CERT1: variants seen among roughly 807,000 people sequenced by gnomAD.
CERT1 encodes the protein ceramide transfer protein.
In CERT1, 31 loss-of-function variants were observed where a neutral mutation model predicts 87.9. The ratio of observed to expected loss-of-function variants is 0.35; its 90% CI spans 0.27 to 0.48. CERT1 has a LOEUF of 0.48. Among genes scored for constraint, CERT1 ranks in the 20% least tolerant of loss-of-function variants. CERT1 has a pLI of 0.99. For synonymous variants in CERT1, 289 were observed against 250.9 expected (o/e 1.15, Z -1.44); for missense variants, 487 against 758.0 (o/e 0.64, Z 4.20).
chr5:75,434,530 C>T (rs911451347), intron 3 of CERT1, among the ~76,000 whole-genome samples: 1 of 151,950 alleles, frequency 6.6e-6, no homozygotes, highest in Non-Finnish European at 1.5e-5. Context: ...ATATGTACTC[C>T]TTAATTTTTT....
Position 75,429,565 on chromosome 5 carries a change from T to G in CERT1, c.349-3087A>C, listed in dbSNP as rs572262126. On this transcript the variant is annotated intron_variant, in intron 3 of 16. Transcript: ENST00000643780. The stretch of plus-strand genomic sequence containing the variant: ...CCAGTGTGGTGGCTTGTGCCTCTAG[T>G]CCCAGCTACTTGAGAGACTGAGGCA... Among the ~76,000 whole-genome samples the G allele has an allele frequency of 1.1e-3, 164 of 152,158 alleles. 1 individual carries two copies. The highest frequency in any genetic ancestry group is 1.9e-3 in the Non-Finnish European group (132 of 68,010).
chr5:75,436,279 C>T (rs552048948), intron 3 of CERT1, among the ~76,000 whole-genome samples: 10 of 152,082 alleles, frequency 6.6e-5, no homozygotes, highest in African/African-American at 1.7e-4. Flanking sequence ...ATGATCTGCC[C>T]GCCTCGGCCT....
intron 17 of CERT1, chr5:75,371,560 T>C (rs963005619): frequency 6.6e-6 from 1 of 152,194 alleles, no homozygotes; most frequent in Non-Finnish European, 1.5e-5. Flanking sequence ...TAACCCTCCT[T>C]TGGTTTAGCT....
In CERT1 at chr5:75,454,489, A is replaced by G. The variant is rs569462324; in HGVS notation, c.348+4576T>C. The stretch of plus-strand genomic sequence containing the variant: ...TAAAGCAAATTCAAAAGATTTTCTT[A>G]TTTGAGTGCAAAATGGGTCATAAAG... On this transcript the variant is annotated intron_variant, in intron 3 of 16. Transcript: ENST00000643780. Among the ~76,000 whole-genome samples the G allele has an allele frequency of 1.8e-4, 28 of 152,344 alleles. 2 individuals are homozygous for G. In the South Asian group the frequency reaches 5.6e-3, roughly 30 times the overall value.
intron 8 of CERT1, among the ~76,000 whole-genome samples, chr5:75,409,022 A>G (rs1403639383): frequency 1.3e-5 from 2 of 152,122 alleles, no homozygotes; most frequent in Non-Finnish European, 2.9e-5. Context: ...AAACTGTACC[A>G]TATATTGTTA....
intron 2 of CERT1, among the ~76,000 whole-genome samples, chr5:75,465,274 T>G (rs1429755931): frequency 6.6e-6 from 1 of 152,210 alleles, no homozygotes; most frequent in African/African-American, 2.4e-5. Flanking sequence ...AGCACCACCA[T>G]CACAATGGAG....
At position 75,417,212 on chromosome 5, in the gene CERT1, G is replaced by A. The variant is rs919344518; in HGVS notation, c.680-179C>T. Among the ~76,000 whole-genome samples the A allele has an allele frequency of 2.9e-4, 44 of 152,098 alleles. 1 individual carries two copies. Among genetic ancestry groups the A allele is most frequent in the African/African-American group, 1.0e-3 (42 of 41,424 alleles). ...CAAGCTCTATAAGCAAAGAAGCTTC[G>A]TGGCAGCATATGTACTTTCAAGTCC... On this transcript the variant is annotated intron_variant, in intron 6 of 16. Transcript: ENST00000643780.
intron 3 of CERT1, among the ~76,000 whole-genome samples, chr5:75,437,218 T>C (rs1764133710): frequency 6.6e-6 from 1 of 152,234 alleles, no homozygotes; most frequent in Non-Finnish European, 1.5e-5. Context: ...AACACTTTAC[T>C]AACGGTGTCT....
chr5:75,386,452 C>A (rs1311038365), intron 12 of CERT1, among the ~76,000 whole-genome samples: 1 of 152,172 alleles, frequency 6.6e-6, no homozygotes, highest in Non-Finnish European at 1.5e-5. Context: ...ATATGAAACA[C>A]AATAGGCACT....
intron 2 of CERT1, among the ~76,000 whole-genome samples, chr5:75,468,741 TG>T (rs1297421297): frequency 6.6e-6 from 1 of 152,214 alleles, no homozygotes; most frequent in Non-Finnish European, 1.5e-5. Flanking sequence ...AGCCTAATGC[TG>T]TAACAGTTGC....
intron 11 of CERT1, among the ~76,000 whole-genome samples, chr5:75,395,404 G>A (rs750305055): frequency 3.0e-4 from 46 of 151,928 alleles, no homozygotes; most frequent in Non-Finnish European, 1.5e-5. Context: ...AATTAGTTGG[G>A]TGTGGTGGAA....
At chr5:75,419,489 T>G in intron 5 of CERT1, 65 bp from the exon 6 acceptor site, 1 of 1,053,764 alleles carries the variant, frequency 9.5e-7, no homozygotes, top group Non-Finnish European at 1.4e-6. Flanking sequence ...TATTCTTATG[T>G]TCAACTGAGT....
At chr5:75,384,857 A>C (rs1419720942) in intron 13 of CERT1, 145 bp from the exon 14 acceptor site, 2 of 587,454 alleles carry the variant, frequency 3.4e-6, no homozygotes, top group African/African-American at 3.7e-5. Context: ...AATGGAAGGT[A>C]GCTAATACTT....
intron 3 of CERT1, among the ~76,000 whole-genome samples, chr5:75,457,690 C>G (rs1329231386): frequency 6.6e-6 from 1 of 151,780 alleles, no homozygotes; most frequent in Non-Finnish European, 1.5e-5. Context: ...GAAAGAAAAG[C>G]TAATACGATT....
chr5:75,448,713 A>C lies in CERT1; in HGVS notation c.348+10352T>G, dbSNP rs1273883901. On this transcript the variant is annotated intron_variant, in intron 3 of 16. Transcript: ENST00000643780. ...AAAAAAGCAGAATCCCATGTGTCCCAGTGACTGTCAGAAATCTTCCCTCTT... is the reference window on the plus strand; with the variant it reads ...AAAAAAGCAGAATCCCATGTGTCCCCGTGACTGTCAGAAATCTTCCCTCTT... Among the ~76,000 whole-genome samples, 3 of 152,314 alleles carry C rather than the reference A, an allele frequency of 2.0e-5. No individual in the cohort carries two copies. In the East Asian group the frequency reaches 5.8e-4, roughly 29 times the overall value.
intron 3 of CERT1, among the ~76,000 whole-genome samples, chr5:75,440,331 G>A (rs1345698100): frequency 6.6e-6 from 1 of 151,982 alleles, no homozygotes; most frequent in African/African-American, 2.4e-5. Flanking sequence ...CCTAGGTACA[G>A]TACAATTAAC....
At chr5:75,440,387 A>G (rs960638690) in intron 3 of CERT1, among the ~76,000 whole-genome samples, 1 of 152,108 alleles carries the variant, frequency 6.6e-6, no homozygotes, top group Non-Finnish European at 1.5e-5. Context: ...CTTTTCTCAA[A>G]TCACGCTGAA....
At chr5:75,417,395 T>TA (rs1247456570) in intron 6 of CERT1, among the ~76,000 whole-genome samples, 7 of 152,052 alleles carry the variant, frequency 4.6e-5, no homozygotes, top group South Asian at 4.2e-4. Flanking sequence ...AGCCTAGAAT[T>TA]AAAAAAAATC....
chr5:75,482,946 T>A (rs1409331471), intron 2 of CERT1, among the ~76,000 whole-genome samples: 1 of 151,230 alleles, frequency 6.6e-6, no homozygotes, highest in Admixed American at 6.6e-5. Context: ...CTGCGAAGAC[T>A]GTAATAAATA....
Sources: allele counts gnomAD v4.1 joint callset (sites outside exome capture counted in the v4.1 genomes callset), GRCh38; gene constraint gnomAD v4.1.1; transcripts MANE v1.5; gene names NCBI Gene and HGNC (gene_info 2026-07-23, HGNC 2026-07-21).